The following UGT1A8 variants were observed in gnomAD, a reference collection of about 807,000 sequenced individuals.
UGT1A8 encodes UDP glucuronosyltransferase family 1 member A8, also known as UDP-glucuronosyltransferase 1A8.
A neutral mutation model predicts 45.3 loss-of-function variants in UGT1A8; 39 were observed. The observed-to-expected ratio is 0.86, with a 90% CI of 0.67 to 1.12. The LOEUF (loss-of-function observed/expected upper bound fraction) is 1.12. Among genes scored for constraint, UGT1A8 ranks in the 50% most tolerant of loss-of-function variants. The probability of loss-of-function intolerance (pLI) is 0.00; values close to 1 mark genes in which losing one functional copy is unlikely to be tolerated. For synonymous variants in UGT1A8, 275 were observed against 249.2 expected, an observed-to-expected ratio of 1.10 and a Z score of -0.97; for missense variants, 719 against 664.9, an observed-to-expected ratio of 1.08 and a Z score of -0.90.
intron 1 of UGT1A8, among the ~76,000 whole-genome samples, chr2:233,650,919 C>A (rs2073722575): frequency 6.6e-6 from 1 of 152,132 alleles, no homozygotes; most frequent in South Asian, 2.1e-4. Flanking sequence ...ATGGACCATG[C>A]AATTTTGGCT....
chr2:233,622,697 G>C (rs1308096591), intron 1 of UGT1A8, among the ~76,000 whole-genome samples: 2 of 152,154 alleles, frequency 1.3e-5, no homozygotes, highest in African/African-American at 4.8e-5. Context: ...TCTGATGATA[G>C]TTTCTTTTGC....
chr2:233,730,522 G>A (rs45560734), intron 1 of UGT1A8, among the ~76,000 whole-genome samples: 4,919 of 152,208 alleles, frequency 0.032, 260 homozygotes, highest in African/African-American at 0.11. Flanking sequence ...TGGAAGTGGG[G>A]CAATGAAGTT....
chr2:233,677,410 C>CA (rs917794431), intron 1 of UGT1A8, among the ~76,000 whole-genome samples: 5 of 152,108 alleles, frequency 3.3e-5, no homozygotes, highest in African/African-American at 1.2e-4. Flanking sequence ...TTTGATTCTC[C>CA]AAAAACTTAA....
chr2:233,649,093 G>A (rs1294190283), intron 1 of UGT1A8: 22 of 843,322 alleles, frequency 2.6e-5, no homozygotes, highest in Admixed American at 1.8e-4. Context: ...GATTCCTTAC[G>A]GAACTGGGAT....
intron 1 of UGT1A8, among the ~76,000 whole-genome samples, chr2:233,718,327 CAATG>C (rs1387578184): frequency 6.6e-6 from 1 of 152,204 alleles, no homozygotes; most frequent in East Asian, 1.9e-4. Flanking sequence ...GCTGGCTTAG[CAATG>C]TTGTATGTCT....
intron 1 of UGT1A8, among the ~76,000 whole-genome samples, chr2:233,635,437 A>C (rs1038042832): frequency 1.1e-4 from 17 of 150,704 alleles, no homozygotes; most frequent in Non-Finnish European, 1.2e-4. Flanking sequence ...GAGATCTGGG[A>C]TACATGTACT....
chr2:233,637,525 A>G (rs1033106477), intron 1 of UGT1A8: 44 of 1,410,088 alleles, frequency 3.1e-5, no homozygotes, highest in Admixed American at 5.0e-5. Context: ...GAATTCATGT[A>G]CTCATCAATT....
chr2:233,638,850 C>G (rs192371081), intron 1 of UGT1A8, among the ~76,000 whole-genome samples: 44 of 152,262 alleles, frequency 2.9e-4, no homozygotes, highest in African/African-American at 1.0e-3. Context: ...AGTTGTAGGC[C>G]TTTCAAAATT....
chr2:233,632,784 C>A (rs1033463264), intron 1 of UGT1A8, among the ~76,000 whole-genome samples: 2 of 152,112 alleles, frequency 1.3e-5, no homozygotes, highest in African/African-American at 4.8e-5. Context: ...CAAACAGAGA[C>A]AATTTGACTT....
At chr2:233,656,195 C>T (rs887164525) in intron 1 of UGT1A8, among the ~76,000 whole-genome samples, 4 of 152,328 alleles carry the variant, frequency 2.6e-5, no homozygotes, top group African/African-American at 4.8e-5. Flanking sequence ...ACATATGACC[C>T]GTGTTCACCC....
chr2:233,638,747 T>G (rs1246746862), intron 1 of UGT1A8, among the ~76,000 whole-genome samples: 4 of 152,226 alleles, frequency 2.6e-5, no homozygotes, highest in Non-Finnish European at 5.9e-5. Flanking sequence ...CACAGTTATA[T>G]CTGTCATTGG....
rs939298630 is a variant in UGT1A8, at chr2:233,760,212, G to A, written c.856-6822G>A. ...ACGTGACACAGTCAAACATTAACTT[G>A]GTGTATCGATTGGTTTTTGCCATAT... On this transcript the variant is annotated intron_variant, in intron 1 of 4. Coordinates refer to ENST00000373450, the MANE Select transcript of UGT1A8 (RefSeq NM_019076.5). 1.9e-5 allele frequency: 30 copies of A among 1,591,462 alleles called. No homozygotes were observed. The Admixed American group carries it at 4.7e-4, about 25-fold the overall frequency.
chr2:233,636,568 C>T (rs1183273016), intron 1 of UGT1A8: 8 of 1,614,158 alleles, frequency 5.0e-6, no homozygotes. Context: ...ATGTGTGTGT[C>T]TACTGCTGAC....
Position 233,772,766 on chromosome 2 carries a change from C to G in UGT1A8, c.*207C>G. The stretch of plus-strand genomic sequence containing the variant: ...AGATATTTGAATATGTATCGTGCCC[C>G]CTCTGGTGTCTTTGATCAGGATGAC... On this transcript the variant is annotated 3_prime_UTR_variant, in exon 5 of 5. Transcript: ENST00000373450. 1 of 1,374,588 alleles carries G rather than the reference C, an allele frequency of 7.3e-7. No homozygotes were observed. Among genetic ancestry groups the G allele is most frequent in the Non-Finnish European group, 9.5e-7 (1 of 1,047,350 alleles). 85.1% of individuals were successfully genotyped at this position (1,374,588 alleles called of 1,614,324 possible).
chr2:233,672,207 GGCTTTT>G (rs1210122752), intron 1 of UGT1A8: 1 of 1,614,162 alleles, frequency 6.2e-7, no homozygotes, highest in South Asian at 1.1e-5. Flanking sequence ...GGGAGTTCAA[GGCTTTT>G]GCCCATGCTC....
At chr2:233,752,118 G>A (rs1227638081) in intron 1 of UGT1A8, among the ~76,000 whole-genome samples, 1 of 152,216 alleles carries the variant, frequency 6.6e-6, no homozygotes, top group Non-Finnish European at 1.5e-5. Context: ...AGGAGAAGAA[G>A]ATGATGGACA....
intron 4 of UGT1A8, chr2:233,770,377 G>C (rs1211488828): frequency 6.6e-6 from 1 of 152,200 alleles, no homozygotes; most frequent in African/African-American, 2.4e-5. Flanking sequence ...GTTCTGGCCA[G>C]GTACGGTGGC....
At chr2:233,652,835 GA>G (rs1435140992) in intron 1 of UGT1A8, among the ~76,000 whole-genome samples, 2 of 152,298 alleles carry the variant, frequency 1.3e-5, no homozygotes, top group Non-Finnish European at 2.9e-5. Flanking sequence ...TAGCTAAATA[GA>G]AAAGCTAGAA....
intron 1 of UGT1A8, chr2:233,752,460 T>C (rs1356858435): frequency 1.3e-5 from 2 of 152,236 alleles, no homozygotes; most frequent in African/African-American, 4.8e-5. Flanking sequence ...TACCCACATA[T>C]AGGCCTCTAG....
Sources: gnomAD v4.1 joint callset for allele counts (sites outside exome capture counted in the v4.1 genomes callset) on GRCh38, gnomAD v4.1.1 for gene constraint, MANE v1.5 for transcripts, NCBI Gene and HGNC (gene_info 2026-07-23, HGNC 2026-07-21) for gene names.